Variants in TNS1 observed in about 807,000 individuals in gnomAD.
TNS1 encodes the protein tensin 1.
A neutral mutation model predicts 168.6 loss-of-function variants in TNS1; 62 were observed. The ratio of observed to expected loss-of-function variants is 0.37; its 90% CI spans 0.30 to 0.45. The LOEUF (loss-of-function observed/expected upper bound fraction) is 0.45, where lower values mean the gene tolerates loss of function less well. Among genes scored for constraint, TNS1 ranks in the 20% least tolerant of loss-of-function variants. The probability of loss-of-function intolerance (pLI) is 1.00; values close to 1 mark genes in which losing one functional copy is unlikely to be tolerated. For missense variants in TNS1, 2,240 were observed against 2,339.4 expected (o/e 0.96, Z 0.88); for synonymous variants, 934 against 933.2 (o/e 1.00, Z -0.02).
At chr2:217,874,035 C>A (rs1207847668) in intron 18 of TNS1, among the ~76,000 whole-genome samples, 2 of 145,416 alleles carry the variant, frequency 1.4e-5, no homozygotes, top group African/African-American at 2.6e-5. Context: ...CACACACACA[C>A]ACACACACAC....
At chr2:217,877,077 G>A (rs569961148) in intron 18 of TNS1, among the ~76,000 whole-genome samples, 9 of 152,220 alleles carry the variant, frequency 5.9e-5, no homozygotes, top group Non-Finnish European at 2.9e-5. Flanking sequence ...CGTCCAGTCC[G>A]AGGGTCCTTA....
chr2:217,966,290 TGTGTGTGTGTGTGTGTGTGC>T (rs1162578289), intron 3 of TNS1, among the ~76,000 whole-genome samples: 6 of 145,136 alleles, frequency 4.1e-5, no homozygotes, highest in African/African-American at 1.7e-4. Context: ...TGTGTGTGTG[TGTGTGTGTGTGTGTGTGTGC>T]GCGCGCGCGC....
intron 1 of TNS1, among the ~76,000 whole-genome samples, chr2:218,022,420 C>G (rs759232894): frequency 4.6e-5 from 7 of 152,190 alleles, no homozygotes; most frequent in Non-Finnish European, 8.8e-5. Flanking sequence ...TGAATCCTTT[C>G]AAGACCCCTC....
intron 30 of TNS1, among the ~76,000 whole-genome samples, chr2:217,809,261 A>G (rs1372453392): frequency 1.1e-3 from 92 of 80,806 alleles, no homozygotes; most frequent in African/African-American, 1.4e-3. Context: ...GCATGGATGG[A>G]TGGATGGATG....
chr2:217,946,203 C>A (rs1033223728), intron 3 of TNS1, among the ~76,000 whole-genome samples: 2 of 152,216 alleles, frequency 1.3e-5, no homozygotes, highest in African/African-American at 4.8e-5. Context: ...CAGAAGCCAT[C>A]CTCCCTGGAT....
Position 217,885,963 on chromosome 2 carries a change from C to T in TNS1, c.1040+81G>A, listed in dbSNP as rs187398840. On this transcript the variant is annotated intron_variant, in intron 14 of 32. Transcript: ENST00000682258. ...CTTTCAGCCCTCTTGAGAATATTCT[C>T]TCCTCTCCCCAACCTTCTGACCTGG... 1.9e-4 allele frequency: 301 copies of T among 1,573,132 alleles called. 1 individual carries two copies. The East Asian group carries it at 6.5e-3, about 34-fold the overall frequency.
At chr2:217,974,709 T>G (rs1396604645) in intron 3 of TNS1, among the ~76,000 whole-genome samples, 1 of 152,222 alleles carries the variant, frequency 6.6e-6, no homozygotes, top group African/African-American at 2.4e-5. Flanking sequence ...GCCTACTATA[T>G]GCCAATGTGC....
upstream of TNS1, among the ~76,000 whole-genome samples, chr2:218,011,198 C>T (rs1476062167): frequency 6.6e-6 from 1 of 152,158 alleles, no homozygotes; most frequent in African/African-American, 2.4e-5. Flanking sequence ...GGATGGGGCC[C>T]TCTCAGGAAT....
chr2:217,881,921 C>T (rs1950721023), intron 17 of TNS1: 1 of 154,586 alleles, frequency 6.5e-6, no homozygotes, highest in African/African-American at 2.4e-5. Context: ...CAACTGGTCT[C>T]CACTTATAAC....
intron 18 of TNS1, among the ~76,000 whole-genome samples, chr2:217,863,098 G>A (rs1172554474): frequency 6.6e-6 from 1 of 152,146 alleles, no homozygotes; most frequent in African/African-American, 2.4e-5. Context: ...TCATTCGTAG[G>A]TATAAAGCAA....
intron 3 of TNS1, among the ~76,000 whole-genome samples, chr2:217,974,147 A>G (rs1957835381): frequency 6.6e-6 from 1 of 152,244 alleles, no homozygotes; most frequent in South Asian, 2.1e-4. Flanking sequence ...ACTTGAAGGA[A>G]CATAAGGGTT....
In TNS1 at chr2:217,821,815, C is replaced by T; in HGVS notation, c.3497G>A (p.Arg1166Lys). The T allele has an allele frequency of 6.4e-7, 1 of 1,562,422 alleles. No homozygotes were observed. The highest frequency in any genetic ancestry group is 8.6e-7 in the Non-Finnish European group (1 of 1,157,318). ...TQAYGHEIPL[R>K]NGTLGGSFVS... ...AAAGGAGCCACCCAGGGTCCCGTTC[C>T]TCAGGGGTATCTCATGGCCATAGGC... Residue 1166 changes from arginine to lysine, a missense_variant, in exon 23 of 33, where the codon AGG (arginine) becomes AAG (lysine). This residue lies in a region of TNS1 where 2,131 missense variants were observed against 2,171.2 expected (regional missense o/e 0.98). Transcript: ENST00000682258.
intron 1 of TNS1, among the ~76,000 whole-genome samples, chr2:218,025,242 C>T (rs1434731935): frequency 6.6e-6 from 1 of 152,162 alleles, no homozygotes; most frequent in Non-Finnish European, 1.5e-5. Context: ...CAGCTGCATA[C>T]TTTATTTATT....
At chr2:217,876,259 T>C (rs1448640492) in intron 18 of TNS1, among the ~76,000 whole-genome samples, 1 of 152,038 alleles carries the variant, frequency 6.6e-6, no homozygotes, top group Admixed American at 6.6e-5. Flanking sequence ...CCCGGAACAC[T>C]ATGGAGGAAT....
chr2:217,999,332 T>C (rs1310946350), intron 1 of TNS1, among the ~76,000 whole-genome samples: 1 of 152,212 alleles, frequency 6.6e-6, no homozygotes, highest in Non-Finnish European at 1.5e-5. Context: ...TTTCTAAATG[T>C]ATGTGTGGAT....
chr2:218,005,386 G>A (rs970028981), upstream of TNS1, among the ~76,000 whole-genome samples: 1 of 152,148 alleles, frequency 6.6e-6, no homozygotes, highest in African/African-American at 2.4e-5. Flanking sequence ...TAGTGCTGGG[G>A]GTTCCCTTGG....
chr2:217,978,537 C>G (rs1291751908), intron 3 of TNS1, among the ~76,000 whole-genome samples: 1 of 151,736 alleles, frequency 6.6e-6, no homozygotes, highest in Non-Finnish European at 1.5e-5. Context: ...TCCGCGCCCC[C>G]CACCCAGATC....
intron 18 of TNS1, among the ~76,000 whole-genome samples, chr2:217,865,373 C>G (rs777795229): frequency 6.6e-6 from 1 of 152,196 alleles, no homozygotes; most frequent in Non-Finnish European, 1.5e-5. Context: ...CACCCTTGGG[C>G]CTTTCTGCCT....
At position 217,869,581 on chromosome 2, in the gene TNS1, T is replaced by A. The variant is rs368730716; in HGVS notation, c.1429+11317A>T. ...TGGGACTCTGAGTGGCCTGATGGAG[T>A]CTCCCCAGGCGGCCACATGGGGAGG... On this transcript the variant is annotated intron_variant, in intron 18 of 32. Coordinates refer to ENST00000682258, the MANE Select transcript of TNS1 (RefSeq NM_001387777.1). Among the ~76,000 whole-genome samples, 6 of 151,478 alleles carry A rather than the reference T, an allele frequency of 4.0e-5. No homozygotes were observed. In the South Asian group the frequency reaches 1.3e-3, roughly 32 times the overall value.
Sources: gnomAD v4.1 joint callset for allele counts (sites outside exome capture counted in the v4.1 genomes callset) on GRCh38, gnomAD v4.1.1 for gene constraint, gnomAD v4.1.1 regional missense constraint, MANE v1.5 for transcripts, NCBI Gene and HGNC (gene_info 2026-07-23, HGNC 2026-07-21) for gene names.